The following MTA3 variants were observed in gnomAD, a reference collection of about 807,000 sequenced individuals.
MTA3 encodes metastasis-associated protein MTA3.
MTA3 carries 34 observed loss-of-function variants against 83.5 expected under a neutral mutation model. The ratio of observed to expected loss-of-function variants is 0.41; its 90% CI spans 0.31 to 0.54. MTA3 has a LOEUF of 0.54. Ranked by LOEUF, MTA3 falls within the 20% of genes least tolerant of loss-of-function variation. MTA3 has a pLI of 0.33. For synonymous variants in MTA3, 303 were observed against 252.7 expected (o/e 1.20, Z -1.89); for missense variants, 761 against 726.4 (o/e 1.05, Z -0.55).
chr2:42,594,728 A>ATATATATATATATATATTTTTT lies in MTA3; in HGVS notation c.191-14729_191-14728insATATATATATATATATTTTTTT. On this transcript the variant is annotated intron_variant, in intron 3 of 16. Coordinates refer to ENST00000405094, the MANE Select transcript of MTA3 (RefSeq NM_001330442.2). ...TACATATATATATATATATATATAT[A>ATATATATATATATATATTTTTT]TTTTTTTTTTTTTTTTGAGACAGAG... 1.2e-3 allele frequency among the ~76,000 whole-genome samples: 28 copies of ATATATATATATATATATTTTTT among 24,022 alleles called. 1 individual carries two copies. Among genetic ancestry groups the ATATATATATATATATATTTTTT allele is most frequent in the South Asian group, 4.2e-3 (1 of 240 alleles). 15.8% of individuals were successfully genotyped at this position (24,022 alleles called of 152,430 possible). A position where few individuals can be genotyped will look rare whatever the true frequency, so the allele number is the denominator to read the frequency against.
intron 14 of MTA3, among the ~76,000 whole-genome samples, chr2:42,712,227 C>T (rs911837148): frequency 1.3e-5 from 2 of 151,996 alleles, no homozygotes; most frequent in Non-Finnish European, 2.9e-5. Context: ...AGAGTAATGA[C>T]ATCTGAGGTA....
At chr2:42,668,959 C>G (rs532598584) in intron 8 of MTA3, among the ~76,000 whole-genome samples, 1 of 151,998 alleles carries the variant, frequency 6.6e-6, no homozygotes, top group Non-Finnish European at 1.5e-5. Context: ...GATACTAACG[C>G]TTTATAAAAA....
chr2:42,713,682 A>G (rs1666807054), intron 14 of MTA3, among the ~76,000 whole-genome samples: 1 of 152,122 alleles, frequency 6.6e-6, no homozygotes, highest in African/African-American at 2.4e-5. Context: ...TTTCTATATG[A>G]TATTAACATA....
At position 42,681,595 on chromosome 2, in the gene MTA3, C is replaced by G. The variant is rs1691917653; in HGVS notation, c.703-806C>G. Among the ~76,000 whole-genome samples, 2 of 152,180 alleles carry G rather than the reference C, an allele frequency of 1.3e-5. 1 individual carries two copies. Among genetic ancestry groups the G allele is most frequent in the East Asian group, 3.9e-4 (2 of 5,192 alleles). On this transcript the variant is annotated intron_variant, in intron 8 of 16. Transcript: ENST00000405094. ...TGGCACAGTCACAGCTGACTGCAGC[C>G]TCAACCTCCTGGGCTCAAGCATTCC... is the stretch of plus-strand genomic sequence containing the variant.
chr2:42,636,739 G>T (rs1447320339), intron 4 of MTA3, among the ~76,000 whole-genome samples: 5 of 147,544 alleles, frequency 3.4e-5, no homozygotes, highest in Non-Finnish European at 5.9e-5. Context: ...CCATTCTCCT[G>T]CCTCAGCCTC....
chr2:42,700,582 A>G (rs558646726), intron 11 of MTA3, among the ~76,000 whole-genome samples: 2 of 152,186 alleles, frequency 1.3e-5, no homozygotes, highest in South Asian at 4.1e-4. Flanking sequence ...TTCAACACAC[A>G]TATTTAGCCC....
chr2:42,638,394 CTT>C (rs1240902591), intron 4 of MTA3, among the ~76,000 whole-genome samples: 2 of 144,732 alleles, frequency 1.4e-5, no homozygotes, highest in African/African-American at 2.5e-5. Flanking sequence ...GTTACCTTTT[CTT>C]TTTTTTTTTT....
intron 3 of MTA3, among the ~76,000 whole-genome samples, chr2:42,593,728 G>A (rs186853503): frequency 4.1e-5 from 6 of 146,798 alleles, no homozygotes; most frequent in Middle Eastern, 3.5e-3. Flanking sequence ...TTACTGAGAC[G>A]GAGTTTTGCT....
At chr2:42,626,239 G>T (rs538019235) in intron 4 of MTA3, among the ~76,000 whole-genome samples, 1 of 150,166 alleles carries the variant, frequency 6.7e-6, no homozygotes, top group African/African-American at 2.5e-5. Context: ...CACCGTGCCC[G>T]GCCATAGTTT....
intron 2 of MTA3, among the ~76,000 whole-genome samples, chr2:42,562,657 C>T (rs1011764077): frequency 6.6e-6 from 1 of 152,204 alleles, no homozygotes; most frequent in Non-Finnish European, 1.5e-5. Context: ...CCTGCCAAAC[C>T]TGTTTCCACC....
chr2:42,695,959 C>G, intron 10 of MTA3, 120 bp downstream of exon 10: 1 of 600,578 alleles, frequency 1.7e-6, no homozygotes, highest in Non-Finnish European at 2.9e-6. Flanking sequence ...TTCCAGACTA[C>G]TTTAAACTAC....
At chr2:42,580,586 G>A (rs1393231845) in intron 3 of MTA3, among the ~76,000 whole-genome samples, 1 of 151,856 alleles carries the variant, frequency 6.6e-6, no homozygotes, top group Non-Finnish European at 1.5e-5. Context: ...TGGTCAGGCT[G>A]GTCTGGAACT....
In MTA3 at chr2:42,545,627, A is replaced by G. The variant is rs59018569; in HGVS notation, c.-140-24810A>G. The stretch of plus-strand genomic sequence containing the variant: ...AAAATAAGGGTATAAGGCCTACCTC[A>G]TTAGATAAAATGTGTAAAGCTTCTA... On this transcript the variant is annotated intron_variant, in intron 2 of 17. Transcript: ENST00000405592. Among the ~76,000 whole-genome samples, 92 of 152,336 alleles carry G rather than the reference A, an allele frequency of 6.0e-4. 1 individual carries two copies. The East Asian group carries it at 0.017, about 27-fold the overall frequency.
At chr2:42,605,785 C>T (rs1202643753) in intron 3 of MTA3, among the ~76,000 whole-genome samples, 1 of 122,358 alleles carries the variant, frequency 8.2e-6, no homozygotes, top group African/African-American at 3.2e-5. Context: ...CCAGAAGGGG[C>T]GGCCGGGCAG....
chr2:42,576,802 CA>C (rs1456721952), intron 2 of MTA3, among the ~76,000 whole-genome samples: 1 of 152,142 alleles, frequency 6.6e-6, no homozygotes, highest in African/African-American at 2.4e-5. Context: ...GAGGCTGAGG[CA>C]GGAGAATCGC....
At chr2:42,588,860 G>T (rs1573092716) in intron 3 of MTA3, among the ~76,000 whole-genome samples, 2 of 152,014 alleles carry the variant, frequency 1.3e-5, no homozygotes, top group East Asian at 3.8e-4. Flanking sequence ...CATATAAAGA[G>T]ATTTTTTTTG....
chr2:42,748,201 T>TG (rs1553402307), intron 16 of MTA3, among the ~76,000 whole-genome samples: 7,589 of 137,644 alleles, frequency 0.055, 302 homozygotes, highest in East Asian at 0.09. Flanking sequence ...GCTAATGTGT[T>TG]TGTGTGTGTG....
intron 10 of MTA3, 150 bp from the exon 11 acceptor site, chr2:42,697,626 A>C: frequency 1.8e-6 from 1 of 561,700 alleles, no homozygotes; most frequent in East Asian, 3.3e-5. Flanking sequence ...ACATTATTGC[A>C]GTTTAAGAAT....
chr2:42,561,789 C>T (rs1363817497), intron 2 of MTA3, among the ~76,000 whole-genome samples: 1 of 152,098 alleles, frequency 6.6e-6, no homozygotes, highest in African/African-American at 2.4e-5. Flanking sequence ...TTCTATTATT[C>T]TGTTTCTGTG....
Sources: gnomAD v4.1 joint callset for allele counts (sites outside exome capture counted in the v4.1 genomes callset) on GRCh38, gnomAD v4.1.1 for gene constraint, MANE v1.5 for transcripts, NCBI Gene and HGNC (gene_info 2026-07-23, HGNC 2026-07-21) for gene names.